The following CLNK variants were observed in gnomAD, a reference collection of about 807,000 sequenced individuals.
CLNK encodes the protein cytokine-dependent hematopoietic cell linker.
In CLNK, 74 loss-of-function variants were observed where a neutral mutation model predicts 68.6. That is an observed-to-expected ratio of 1.08 (90% CI 0.89 to 1.31). The LOEUF is 1.31. Ranked by LOEUF, CLNK falls within the 50% of genes most tolerant of loss-of-function variation. The pLI is 0.00. For missense variants in CLNK, 553 were observed against 515.3 expected (o/e 1.07, Z -0.71); for synonymous variants, 198 against 172.2 (o/e 1.15, Z -1.17).
chr4:10,502,489 C>CACATG (rs1379474887), intron 17 of CLNK, among the ~76,000 whole-genome samples: 2 of 152,076 alleles, frequency 1.3e-5, no homozygotes, highest in African/African-American at 4.8e-5. Context: ...CAAACCATGC[C>CACATG]ACATGTGCTA....
chr4:10,708,367 C>T, the CLNK span, among the ~76,000 whole-genome samples: 2 of 152,074 alleles, frequency 1.3e-5, no homozygotes, highest in South Asian at 2.1e-4. Flanking sequence ...TCTTCTCAGC[C>T]CTTTGTGGTG....
chr4:10,598,753 AT>A, intron 2 of CLNK: 1 of 382,724 alleles, frequency 2.6e-6, no homozygotes, highest in Non-Finnish European at 5.3e-6. Context: ...CGTTTCCCAC[AT>A]TTTCCTTTCT....
intron 1 of CLNK, among the ~76,000 whole-genome samples, chr4:10,674,792 T>G (rs1195091773): frequency 6.6e-6 from 1 of 152,216 alleles, no homozygotes; most frequent in Non-Finnish European, 1.5e-5. Flanking sequence ...TTGAAAATGC[T>G]TTGTAAAGAT....
At chr4:10,713,814 C>T in the CLNK span, among the ~76,000 whole-genome samples, 1 of 152,158 alleles carries the variant, frequency 6.6e-6, no homozygotes, top group Non-Finnish European at 1.5e-5. Flanking sequence ...CAGATGCCAG[C>T]ACCATGCTTC....
At chr4:10,557,873 A>G (rs904905085) in intron 8 of CLNK, among the ~76,000 whole-genome samples, 6 of 152,158 alleles carry the variant, frequency 3.9e-5, no homozygotes, top group African/African-American at 1.4e-4. Context: ...GGCACGGGGG[A>G]AAATGATGAG....
At chr4:10,709,070 G>A in the CLNK span, among the ~76,000 whole-genome samples, 1 of 152,106 alleles carries the variant, frequency 6.6e-6, no homozygotes, top group Non-Finnish European at 1.5e-5. Flanking sequence ...TTTAATAAAA[G>A]CTTCATATTA....
chr4:10,547,974 C>T (rs1454499495), intron 8 of CLNK, among the ~76,000 whole-genome samples: 1 of 152,014 alleles, frequency 6.6e-6, no homozygotes, highest in Admixed American at 6.6e-5. Flanking sequence ...TCTTCAAGAT[C>T]CTGTTTTCAA....
intron 2 of CLNK, among the ~76,000 whole-genome samples, chr4:10,610,051 T>TGG (rs1560240561): frequency 2.7e-5 from 3 of 111,656 alleles, no homozygotes; most frequent in African/African-American, 7.2e-5. Flanking sequence ...TTTTTTTTTT[T>TGG]TTTTTTTTTT....
chr4:10,590,477 G>T (rs1482882098), intron 3 of CLNK, among the ~76,000 whole-genome samples: 1 of 152,158 alleles, frequency 6.6e-6, no homozygotes, highest in Non-Finnish European at 1.5e-5. Context: ...GCCCCCTTGA[G>T]TGTGGTATGC....
At chr4:10,574,471 C>A (rs542892828) in intron 4 of CLNK, among the ~76,000 whole-genome samples, 48 of 152,334 alleles carry the variant, frequency 3.2e-4, no homozygotes, top group African/African-American at 1.1e-3. Flanking sequence ...TCCTCTGCCA[C>A]CTTCCTCTGG....
chr4:10,630,094 G>C lies in CLNK; in HGVS notation c.12-32045C>G, dbSNP rs576215141. Among the ~76,000 whole-genome samples the C allele has an allele frequency of 3.9e-5, 6 of 152,266 alleles. No homozygotes were observed. In the South Asian group the frequency reaches 8.3e-4, roughly 21 times the overall value. ...TAATGAAGGGATATAACAGAGGATAGCCTCACTATGCTCCTACTCCAGAAA... is the reference window on the plus strand; with the variant it reads ...TAATGAAGGGATATAACAGAGGATACCCTCACTATGCTCCTACTCCAGAAA... On this transcript the variant is annotated intron_variant, in intron 2 of 18. Coordinates refer to ENST00000226951, the MANE Select transcript of CLNK (RefSeq NM_052964.4).
At chr4:10,533,068 G>A (rs989529114) in intron 11 of CLNK, among the ~76,000 whole-genome samples, 1 of 152,006 alleles carries the variant, frequency 6.6e-6, no homozygotes, top group African/African-American at 2.4e-5. Flanking sequence ...GACCAGCCTG[G>A]CCAACATGGT....
chr4:10,553,733 C>T (rs1560213789), intron 8 of CLNK, among the ~76,000 whole-genome samples: 2 of 152,202 alleles, frequency 1.3e-5, no homozygotes, highest in Admixed American at 1.3e-4. Flanking sequence ...GGATTACAGG[C>T]GTGAGCCACC....
intron 2 of CLNK, among the ~76,000 whole-genome samples, chr4:10,665,387 C>T (rs1404786416): frequency 3.9e-5 from 6 of 152,132 alleles, no homozygotes; most frequent in South Asian, 2.1e-4. Context: ...GACATAGAGT[C>T]GGGCGCGGTG....
intron 11 of CLNK, among the ~76,000 whole-genome samples, chr4:10,535,738 T>C (rs1718734375): frequency 6.6e-6 from 1 of 152,216 alleles, no homozygotes; most frequent in African/African-American, 2.4e-5. Context: ...TTATCAGAGG[T>C]AAAATTCCCC....
chr4:10,690,788 C>G, the CLNK span, among the ~76,000 whole-genome samples: 9 of 152,232 alleles, frequency 5.9e-5, no homozygotes, highest in Non-Finnish European at 1.3e-4. Flanking sequence ...CATTCATGTC[C>G]CACTGTCTCC....
rs750117959 is a variant in CLNK, at chr4:10,532,303, G to T, written c.603-20C>A. On this transcript the variant is annotated intron_variant, in intron 11 of 18. Transcript: ENST00000226951. ...ATCTGACTGCAAGAAAAAGAAATAC[G>T]GTGTTACATAAAACACAGTTCATAA... 3.1e-6 allele frequency: 5 copies of T among 1,595,890 alleles called. No homozygotes were observed. The highest frequency in any genetic ancestry group is 1.3e-5 in the African/African-American group (1 of 74,706).
At position 10,542,270 on chromosome 4, in the gene CLNK, G is replaced by A. The variant is rs373698067; in HGVS notation, c.456C>T (p.Ser152=). 2.2e-5 allele frequency: 34 copies of A among 1,535,610 alleles called. No individual in the cohort carries two copies. Among genetic ancestry groups the A allele is most frequent in the Admixed American group, 7.5e-5 (4 of 53,134 alleles). The change falls in exon 9 of 19, where the codon TCC becomes TCT. Residue 152 remains serine, a synonymous_variant. Coordinates refer to ENST00000226951, the MANE Select transcript of CLNK (RefSeq NM_052964.4). ...VRSQNIKGDA[S]VRKNKIPLPP... is the part of the protein sequence containing the mutation. ...TTTCTCTTACCTTGTTCTTTCTTACGGATGCATCTCCTAAAACATAAGAGG... is the reference window on the plus strand; with the variant it reads ...TTTCTCTTACCTTGTTCTTTCTTACAGATGCATCTCCTAAAACATAAGAGG...
intron 4 of CLNK, among the ~76,000 whole-genome samples, chr4:10,573,742 G>A (rs1456118864): frequency 6.6e-6 from 1 of 152,140 alleles, no homozygotes; most frequent in Non-Finnish European, 1.5e-5. Flanking sequence ...TTCTTGGGGA[G>A]CTGCGGGGTC....
Sources: allele counts gnomAD v4.1 joint callset (sites outside exome capture counted in the v4.1 genomes callset), GRCh38; gene constraint gnomAD v4.1.1; transcripts MANE v1.5; gene names NCBI Gene and HGNC (gene_info 2026-07-23, HGNC 2026-07-21).